RIC8B: variants seen among roughly 807,000 people sequenced by gnomAD.
RIC8B encodes chaperone Ric-8B.
Under a neutral mutation model 57.5 loss-of-function variants are expected in RIC8B, and 16 were observed. The ratio of observed to expected loss-of-function variants is 0.28; its 90% CI spans 0.19 to 0.42. The LOEUF (loss-of-function observed/expected upper bound fraction) is 0.42. Ranked by LOEUF, RIC8B falls within the 10% of genes least tolerant of loss-of-function variation. The probability of loss-of-function intolerance (pLI) is 1.00; values close to 1 mark genes in which losing one functional copy is unlikely to be tolerated. For missense variants in RIC8B, 481 were observed against 677.0 expected (o/e 0.71, Z 3.21); for synonymous variants, 216 against 250.8 (o/e 0.86, Z 1.31).
chr12:106,838,606 G>A (rs574216641), intron 4 of RIC8B, among the ~76,000 whole-genome samples: 19 of 151,014 alleles, frequency 1.3e-4, no homozygotes, highest in Non-Finnish European at 2.7e-4. Context: ...AAAAGCTTAC[G>A]GACATTGGTC....
At chr12:106,875,267 A>G (rs761963618) in intron 9 of RIC8B, among the ~76,000 whole-genome samples, 1 of 152,174 alleles carries the variant, frequency 6.6e-6, no homozygotes, top group Admixed American at 6.5e-5. Flanking sequence ...AGAAAGCCTC[A>G]TTTGACATTT....
At chr12:106,792,993 C>T (rs1316794179) in intron 2 of RIC8B, among the ~76,000 whole-genome samples, 2 of 152,164 alleles carry the variant, frequency 1.3e-5, no homozygotes, top group South Asian at 2.1e-4. Flanking sequence ...CAGCATTTCT[C>T]ATCCTGCCCC....
chr12:106,825,400 T>C (rs925135641), intron 3 of RIC8B, among the ~76,000 whole-genome samples: 1 of 152,318 alleles, frequency 6.6e-6, no homozygotes, highest in South Asian at 2.1e-4. Context: ...GTTGAAACTT[T>C]TATAATGGTT....
At chr12:106,777,180 A>G (rs2043534917) in intron 1 of RIC8B, among the ~76,000 whole-genome samples, 1 of 152,192 alleles carries the variant, frequency 6.6e-6, no homozygotes, top group Non-Finnish European at 1.5e-5. Context: ...TCTCATATTT[A>G]ATACTGACTG....
intron 1 of RIC8B, among the ~76,000 whole-genome samples, chr12:106,778,096 G>A (rs1477554753): frequency 6.6e-6 from 1 of 152,180 alleles, no homozygotes; most frequent in Middle Eastern, 3.2e-3. Context: ...CACTGAGGAG[G>A]CACCCCATAA....
intron 4 of RIC8B, among the ~76,000 whole-genome samples, chr12:106,831,734 TATC>T (rs2046359950): frequency 6.6e-6 from 1 of 152,244 alleles, no homozygotes. Context: ...AAAATGCTGT[TATC>T]ATGGCAATAT....
intron 2 of RIC8B, among the ~76,000 whole-genome samples, chr12:106,790,315 C>G (rs2044213520): frequency 6.6e-6 from 1 of 152,130 alleles, no homozygotes; most frequent in South Asian, 2.1e-4. Flanking sequence ...CTTGAGAAAC[C>G]ATTTAGGTAA....
At chr12:106,777,023 A>C (rs944960711) in intron 1 of RIC8B, among the ~76,000 whole-genome samples, 3 of 152,148 alleles carry the variant, frequency 2.0e-5, no homozygotes, top group Admixed American at 6.5e-5. Flanking sequence ...GCACTGGGCT[A>C]ACTTTTTAAA....
intron 4 of RIC8B, among the ~76,000 whole-genome samples, chr12:106,827,245 C>T (rs2046146020): frequency 6.6e-6 from 1 of 152,168 alleles, no homozygotes; most frequent in Non-Finnish European, 1.5e-5. Flanking sequence ...CTGACTTCAT[C>T]ATGATGCTAC....
intron 4 of RIC8B, among the ~76,000 whole-genome samples, chr12:106,831,348 T>A (rs575542127): frequency 1.1e-4 from 16 of 152,244 alleles, no homozygotes; most frequent in East Asian, 3.9e-4. Flanking sequence ...AGAAAAAAAA[T>A]TTTTTTAATC....
In RIC8B at chr12:106,849,811, C is replaced by T. The variant is rs897445764; in HGVS notation, c.1162-1639C>T. On this transcript the variant is annotated intron_variant, in intron 6 of 9. Coordinates refer to ENST00000392837, the MANE Select transcript of RIC8B (RefSeq NM_001330145.2). ...TTATCTTAAAAAAATGAAAGTGAGT[C>T]CATTTTAATATATTTTCTGCCCTTA... 6.6e-5 allele frequency among the ~76,000 whole-genome samples: 10 copies of T among 152,106 alleles called. No homozygotes were observed. In the East Asian group the frequency reaches 1.3e-3, roughly 21 times the overall value.
At chr12:106,853,887 A>C (rs954101059) in intron 7 of RIC8B, among the ~76,000 whole-genome samples, 3 of 152,210 alleles carry the variant, frequency 2.0e-5, no homozygotes, top group Non-Finnish European at 4.4e-5. Context: ...GAGATATATA[A>C]GATAAACAGT....
intron 2 of RIC8B, among the ~76,000 whole-genome samples, chr12:106,789,410 A>G (rs1427785034): frequency 1.3e-5 from 2 of 152,210 alleles, no homozygotes; most frequent in Middle Eastern, 3.4e-3. Context: ...ACCCCACTCT[A>G]CTGGTACCAA....
chr12:106,804,747 G>A (rs1210456766), intron 2 of RIC8B, among the ~76,000 whole-genome samples: 1 of 152,136 alleles, frequency 6.6e-6, no homozygotes, highest in East Asian at 1.9e-4. Context: ...CCCTGCCCCC[G>A]CCAAAGCTGA....
In RIC8B at chr12:106,867,752, G is replaced by A. The variant is rs1950200277; in HGVS notation, c.1452-3071G>A. On this transcript the variant is annotated intron_variant, in intron 8 of 9. Transcript: ENST00000392837. This position sits in a 1 kb window ranked among gnomAD's most constrained non-coding sequence, Gnocchi z 4.3. Reference sequence around the variant, plus strand: ...ATCTGCCTTCTGCCACAGCACACTGGCATTTTTCCCATAAGAGAGTGCTAC... The same window carrying A: ...ATCTGCCTTCTGCCACAGCACACTGACATTTTTCCCATAAGAGAGTGCTAC... Among the ~76,000 whole-genome samples, 1 of 152,136 alleles carries A rather than the reference G, an allele frequency of 6.6e-6. No homozygotes were observed. The highest frequency in any genetic ancestry group is 2.1e-4 in the South Asian group (1 of 4,832).
chr12:106,856,970 G>T (rs1165653264), intron 7 of RIC8B, among the ~76,000 whole-genome samples: 1 of 152,188 alleles, frequency 6.6e-6, no homozygotes, highest in Non-Finnish European at 1.5e-5. Flanking sequence ...CTTCACAGAA[G>T]AGGACAGAGA....
intron 2 of RIC8B, among the ~76,000 whole-genome samples, chr12:106,806,867 A>G (rs1227755744): frequency 1.3e-5 from 2 of 152,230 alleles, no homozygotes; most frequent in Non-Finnish European, 2.9e-5. Flanking sequence ...TTATTCATAT[A>G]GAAAGCATAG....
intron 2 of RIC8B, among the ~76,000 whole-genome samples, chr12:106,800,245 C>CA (rs765189813): frequency 2.8e-4 from 43 of 152,274 alleles, no homozygotes; most frequent in Admixed American, 1.0e-3. Flanking sequence ...CACAGTTCTA[C>CA]AGGCTGTACA....
chr12:106,838,579 G>A (rs1024824976), intron 4 of RIC8B, among the ~76,000 whole-genome samples: 2 of 151,094 alleles, frequency 1.3e-5, no homozygotes, highest in African/African-American at 2.4e-5. Flanking sequence ...AGGAGCAGGA[G>A]CAGGAGACGT....
Sources: allele counts gnomAD v4.1 joint callset (sites outside exome capture counted in the v4.1 genomes callset), GRCh38; gene constraint gnomAD v4.1.1; non-coding constraint Gnocchi (gnomAD v3.1); transcripts MANE v1.5; gene names NCBI Gene and HGNC (gene_info 2026-07-23, HGNC 2026-07-21).